MAST4: variants seen among roughly 807,000 people sequenced by gnomAD.
MAST4 encodes the protein microtubule associated serine/threonine kinase family member 4.
A neutral mutation model predicts 162.7 loss-of-function variants in MAST4; 89 were observed. That is an observed-to-expected ratio of 0.55 (90% confidence interval 0.46 to 0.65). The LOEUF (loss-of-function observed/expected upper bound fraction) is 0.65. MAST4 is among the 30% of genes least tolerant of loss of function. The pLI is 0.00. For synonymous variants in MAST4, 1,479 were observed against 1,361.1 expected (o/e 1.09, Z -1.91); for missense variants, 3,153 against 3,374.0 (o/e 0.93, Z 1.62).
rs1773610219 is a variant in MAST4, at chr5:67,164,373, C to T, written c.5194C>T (p.Pro1732Ser). 6.2e-7 allele frequency: 1 copy of T among 1,613,934 alleles called. No homozygotes were observed. Among genetic ancestry groups the T allele is most frequent in the Non-Finnish European group, 8.5e-7 (1 of 1,179,874 alleles). ...PVRPTGGQQE[P>S]PPASESRAFV... ...CCGACCCACGGGTGGGCAGCAGGAGCCCCCGCCGGCTTCTGAGAGCCGAGC... is the reference window on the plus strand; with the variant it reads ...CCGACCCACGGGTGGGCAGCAGGAGTCCCCGCCGGCTTCTGAGAGCCGAGC... Residue 1732 changes from proline to serine, a missense_variant, in exon 29 of 29, where the codon CCC becomes TCC. Coordinates refer to ENST00000403625, the MANE Select transcript of MAST4 (RefSeq NM_001164664.2). The surrounding 1 kb of genome is among the most constrained non-coding windows in gnomAD (Gnocchi z 5.3).
intron 1 of MAST4, among the ~76,000 whole-genome samples, chr5:66,624,144 A>ATTTTTTTT (rs1561220546): frequency 9.8e-5 from 8 of 81,782 alleles, no homozygotes; most frequent in Non-Finnish European, 1.4e-4. Flanking sequence ...TATTGTTAAA[A>ATTTTTTTT]TGTTTTTTTT....
intron 26 of MAST4, among the ~76,000 whole-genome samples, chr5:67,156,984 G>A (rs757304601): frequency 1.3e-5 from 2 of 152,238 alleles, no homozygotes; most frequent in Non-Finnish European, 2.9e-5. Flanking sequence ...TAAAGTAAAA[G>A]TGAATTAATT....
At chr5:67,051,749 T>C (rs1207612961) in intron 4 of MAST4, among the ~76,000 whole-genome samples, 1 of 152,190 alleles carries the variant, frequency 6.6e-6, no homozygotes, top group Non-Finnish European at 1.5e-5. Context: ...AGTGTCCCTC[T>C]ACCCTTGAAA....
At chr5:66,798,677 T>C (rs180723973) in intron 3 of MAST4, among the ~76,000 whole-genome samples, 115 of 152,348 alleles carry the variant, frequency 7.5e-4, no homozygotes, top group African/African-American at 2.7e-3. Flanking sequence ...CGGATGAATC[T>C]GTAACCCTAA....
intron 5 of MAST4, among the ~76,000 whole-genome samples, chr5:67,074,786 T>C (rs1761412129): frequency 6.6e-6 from 1 of 152,238 alleles, no homozygotes. Flanking sequence ...ACATTAGGAT[T>C]ATCGATTTCA....
chr5:67,146,409 CA>C (rs1456032878), intron 23 of MAST4, among the ~76,000 whole-genome samples: 7 of 152,174 alleles, frequency 4.6e-5, no homozygotes. Flanking sequence ...AAATTTTATG[CA>C]CAGCATATTC....
At position 67,100,520 on chromosome 5, in the gene MAST4, G is replaced by A; in HGVS notation, c.998G>A (p.Cys333Tyr). 2 of 1,613,734 alleles carry A rather than the reference G, an allele frequency of 1.2e-6. No homozygotes were observed. The highest frequency in any genetic ancestry group is 1.7e-6 in the Non-Finnish European group (2 of 1,179,816). Residue 333 changes from cysteine (C) to tyrosine (Y), a missense_variant, in exon 8 of 29, where the codon TGT becomes TAT. Cys to Tyr is a radical substitution (Grantham distance 194). This residue lies in a region of MAST4 where 360 missense variants were observed against 450.0 expected (regional missense o/e 0.80). Transcript: ENST00000403625. Reference protein sequence around the residue: ...DELHFLSKHFCTTESIATENR... With the variant: ...DELHFLSKHFYTTESIATENR... ...TTACACTTCTTATCAAAACATTTCT[G>A]TACCACCGAAAGCATCGCCACTGAG...
At chr5:67,012,293 G>A (rs1752781889) in intron 4 of MAST4, among the ~76,000 whole-genome samples, 1 of 152,168 alleles carries the variant, frequency 6.6e-6, no homozygotes, top group Non-Finnish European at 1.5e-5. Context: ...AGGAAGCTTG[G>A]AATAGGACTC....
intron 3 of MAST4, among the ~76,000 whole-genome samples, chr5:66,848,446 G>GT (rs141795655): frequency 0.013 from 1,953 of 151,246 alleles, 43 homozygotes; most frequent in African/African-American, 0.045. Context: ...CAGGCAGGTT[G>GT]TTTTTTTTGT....
chr5:66,819,808 C>G (rs866100591), intron 3 of MAST4, among the ~76,000 whole-genome samples: 10 of 147,544 alleles, frequency 6.8e-5, no homozygotes, highest in Non-Finnish European at 1.3e-4. Flanking sequence ...GGGTCTCACT[C>G]TGTCCCCAAG....
chr5:66,964,731 A>G (rs1187656761), intron 4 of MAST4, among the ~76,000 whole-genome samples: 2 of 152,204 alleles, frequency 1.3e-5, no homozygotes, highest in Non-Finnish European at 2.9e-5. Flanking sequence ...TGAACTCGGG[A>G]GGCGGAGCTT....
chr5:66,860,609 GT>G (rs138772390), intron 3 of MAST4, among the ~76,000 whole-genome samples: 16 of 146,270 alleles, frequency 1.1e-4, no homozygotes, highest in Non-Finnish European at 1.5e-4. Context: ...CACCTTTTTC[GT>G]TTTTTTTTTC....
intron 21 of MAST4, among the ~76,000 whole-genome samples, chr5:67,143,963 G>A (rs1770727624): frequency 6.6e-6 from 1 of 152,152 alleles, no homozygotes; most frequent in Admixed American, 6.5e-5. Context: ...GCAGTAGGGA[G>A]CGCTTCCTGC....
intron 2 of MAST4, among the ~76,000 whole-genome samples, chr5:66,768,524 AAGTC>A (rs1754212861): frequency 1.3e-5 from 2 of 152,188 alleles, no homozygotes; most frequent in Non-Finnish European, 1.5e-5. Flanking sequence ...TTAAGTGAAA[AAGTC>A]AGTCCAAAGA....
intron 3 of MAST4, among the ~76,000 whole-genome samples, chr5:66,834,679 C>T (rs1399018517): frequency 2.0e-5 from 3 of 152,172 alleles, no homozygotes; most frequent in Non-Finnish European, 4.4e-5. Context: ...GGAATTTGAA[C>T]AGATTCTAAG....
chr5:66,674,997 A>G (rs1747852788), intron 1 of MAST4, among the ~76,000 whole-genome samples: 1 of 152,164 alleles, frequency 6.6e-6, no homozygotes, highest in South Asian at 2.1e-4. Context: ...TGCTGAGGGA[A>G]TGGAGGCATT....
chr5:66,718,916 T>C (rs567300965), intron 1 of MAST4, among the ~76,000 whole-genome samples: 1 of 152,344 alleles, frequency 6.6e-6, no homozygotes, highest in Admixed American at 6.5e-5. Flanking sequence ...AGTAATAGCT[T>C]TGTAAATTCA....
Position 67,167,743 on chromosome 5 carries a change from C to T in MAST4, c.*692C>T, listed in dbSNP as rs901162169. The T allele has an allele frequency of 1.3e-5, 2 of 152,244 alleles. No individual in the cohort carries two copies. The highest frequency in any genetic ancestry group is 2.9e-5 in the Non-Finnish European group (2 of 68,048). 9.4% of individuals were successfully genotyped at this position (152,244 alleles called of 1,614,324 possible). A position where few individuals can be genotyped will look rare whatever the true frequency, so the allele number is the denominator to read the frequency against. On this transcript the variant is annotated 3_prime_UTR_variant, in exon 29 of 29. Coordinates refer to ENST00000403625, the MANE Select transcript of MAST4 (RefSeq NM_001164664.2). ...CTCTAAGTACTGCATTTGGAATCCTCCTCCATTAGGAATGGCCAGGACAAG... is the reference window on the plus strand; with the variant it reads ...CTCTAAGTACTGCATTTGGAATCCTTCTCCATTAGGAATGGCCAGGACAAG...
chr5:66,619,134 A>G (rs1285305710), intron 1 of MAST4, among the ~76,000 whole-genome samples: 3 of 152,182 alleles, frequency 2.0e-5, no homozygotes, highest in African/African-American at 7.2e-5. Context: ...TGTTCCTCAA[A>G]TAGAAGAATG....
Sources: gnomAD v4.1 joint callset for allele counts (sites outside exome capture counted in the v4.1 genomes callset) on GRCh38, gnomAD v4.1.1 for gene constraint, gnomAD v4.1.1 regional missense constraint, Gnocchi (gnomAD v3.1) non-coding constraint, MANE v1.5 for transcripts, NCBI Gene and HGNC (gene_info 2026-07-23, HGNC 2026-07-21) for gene names.